Variants in HAUS8 observed in about 807,000 individuals in gnomAD.
The protein encoded by HAUS8 is HAUS augmin like complex subunit 8, also known as HAUS augmin-like complex subunit 8.
A neutral mutation model predicts 42.9 loss-of-function variants in HAUS8; 38 were observed. The observed-to-expected ratio is 0.89, with a 90% CI of 0.68 to 1.16. The LOEUF is 1.16. Among genes scored for constraint, HAUS8 ranks in the 50% most tolerant of loss-of-function variants. The pLI is 0.00. For synonymous variants in HAUS8, 199 were observed against 205.8 expected (o/e 0.97, Z 0.28); for missense variants, 494 against 511.6 (o/e 0.97, Z 0.33).
intron 4 of HAUS8, among the ~76,000 whole-genome samples, 166 bp downstream of exon 4, chr19:17,062,532 C>T (rs1287785790): frequency 2.0e-5 from 3 of 152,188 alleles, no homozygotes; most frequent in Non-Finnish European, 4.4e-5. Flanking sequence ...TCCGCATCCC[C>T]ACTCACCTCC....
Position 17,050,190 on chromosome 19 carries a change from G to T in HAUS8, c.930-14C>A. On this transcript the variant is annotated splice_polypyrimidine_tract_variant and intron_variant, in intron 10 of 10. Coordinates refer to ENST00000253669, the MANE Select transcript of HAUS8 (RefSeq NM_033417.2). ...TGGGCAAAGCTCCTGTTGAGGATGGGAGAAAGAATAACGGCTTTCACCCTC... is the reference window on the plus strand; with the variant it reads ...TGGGCAAAGCTCCTGTTGAGGATGGTAGAAAGAATAACGGCTTTCACCCTC... The T allele has an allele frequency of 2.7e-6, 4 of 1,474,686 alleles. No homozygotes were observed. The highest frequency in any genetic ancestry group is 3.6e-6 in the Non-Finnish European group (4 of 1,111,960). The allele number at this position is 1,474,686 out of a possible 1,614,324, so 91.4% of individuals were successfully genotyped here.
Position 17,050,084 on chromosome 19 carries a change from G to A in HAUS8, c.1022C>T (p.Ala341Val), listed in dbSNP as rs57533879. The change falls in exon 11 of 11, where the codon GCG (alanine) becomes GTG (valine). Residue 341 changes from alanine to valine, a missense_variant. Coordinates refer to ENST00000253669, the MANE Select transcript of HAUS8 (RefSeq NM_033417.2). ...QEVWEETQGM[A>V]PPSRWYFNQD... ...ATTGAAATACCACCGGCTGGGGGGC[G>A]CCATGCCCTGGGTCTCTTCCCAGAC... 2.3e-3 allele frequency: 3,692 copies of A among 1,602,136 alleles called. 79 individuals carry two copies. In the African/African-American group the frequency reaches 0.044, roughly 19 times the overall value.
At chr19:17,075,469 CG>C, upstream of HAUS8, 1 of 1,609,474 alleles carries the variant, frequency 6.2e-7, no homozygotes, top group South Asian at 1.1e-5. Context: ...TTTTCAAAGC[CG>C]GACCCGCCCC....
chr19:17,056,734 C>A (rs2057329218), intron 8 of HAUS8, among the ~76,000 whole-genome samples: 1 of 151,840 alleles, frequency 6.6e-6, no homozygotes, highest in South Asian at 2.1e-4. Flanking sequence ...GGGTTACAGG[C>A]ACGCATCACC....
chr19:17,057,629 C>T (rs1203710665), intron 8 of HAUS8, among the ~76,000 whole-genome samples: 7 of 152,160 alleles, frequency 4.6e-5, no homozygotes, highest in Non-Finnish European at 1.0e-4. Context: ...CCATTTTGAG[C>T]TCCCTAAAGT....
intron 1 of HAUS8, chr19:17,074,648 T>A: frequency 6.6e-6 from 1 of 151,602 alleles, no homozygotes; most frequent in East Asian, 1.9e-4. Flanking sequence ...CTGAGGGGGG[T>A]CCCTACAACC....
chr19:17,051,259 G>A (rs918966711), intron 10 of HAUS8, among the ~76,000 whole-genome samples: 2 of 152,050 alleles, frequency 1.3e-5, no homozygotes, highest in African/African-American at 4.8e-5. Flanking sequence ...GTGGCTGGCT[G>A]TTTTGCATAA....
chr19:17,061,504 T>C (rs2057360735), intron 4 of HAUS8, among the ~76,000 whole-genome samples: 1 of 152,168 alleles, frequency 6.6e-6, no homozygotes, highest in Admixed American at 6.5e-5. Context: ...TGTATAGCAT[T>C]TGCACTAAAA....
At chr19:17,068,099 C>CTTTTTTTTTTTTTTTTT (rs889723027) in intron 3 of HAUS8, among the ~76,000 whole-genome samples, 146 of 93,464 alleles carry the variant, frequency 1.6e-3, no homozygotes, top group Non-Finnish European at 1.9e-3. Flanking sequence ...TTATTTTATT[C>CTTTTTTTTTTTTTTTTT]TTTTTTTTTT....
At position 17,059,998 on chromosome 19, in the gene HAUS8, A is replaced by G. The variant is rs777839845; in HGVS notation, c.324T>C (p.Asn108=). 1 of 1,606,246 alleles carries G rather than the reference A, an allele frequency of 6.2e-7. No homozygotes were observed. Among genetic ancestry groups the G allele is most frequent in the Non-Finnish European group, 8.5e-7 (1 of 1,172,926 alleles). ...APPDLDLSAI[N]DKSIVKKTPQ... ...GAAGGGGTGAAACAAATGATTTACC[A>G]TTAATAGCAGAGAGATCCAGGTCAG... Residue 108 remains asparagine (N), a splice_region_variant and synonymous_variant, in exon 5 of 11, where the codon AAT becomes AAC. Coordinates refer to ENST00000253669, the MANE Select transcript of HAUS8 (RefSeq NM_033417.2).
chr19:17,057,573 C>T (rs2057333914), intron 8 of HAUS8, among the ~76,000 whole-genome samples: 1 of 152,184 alleles, frequency 6.6e-6, no homozygotes, highest in Non-Finnish European at 1.5e-5. Flanking sequence ...CCTCACACTT[C>T]AAATTCGTGT....
At chr19:17,068,961 A>C in intron 3 of HAUS8, 70 bp downstream of exon 3, 1 of 1,375,666 alleles carries the variant, frequency 7.3e-7, no homozygotes, top group Non-Finnish European at 1.0e-6. Flanking sequence ...TCCCATGACT[A>C]GTTTCGGAAT....
In HAUS8 at chr19:17,050,077, G is replaced by C; in HGVS notation, c.1029C>G (p.Pro343=). The C allele has an allele frequency of 3.1e-6, 5 of 1,602,902 alleles. No individual in the cohort carries two copies. The highest frequency in any genetic ancestry group is 3.4e-6 in the Non-Finnish European group (4 of 1,174,730). The change falls in exon 11 of 11, where the codon CCC becomes CCG. Residue 343 remains proline (P), a synonymous_variant. Coordinates refer to ENST00000253669, the MANE Select transcript of HAUS8 (RefSeq NM_033417.2). The part of the protein sequence containing the change: ...VWEETQGMAP[P]SRWYFNQDSA... ...TGTCTTGATTGAAATACCACCGGCTGGGGGGCGCCATGCCCTGGGTCTCTT... is the reference window on the plus strand; with the variant it reads ...TGTCTTGATTGAAATACCACCGGCTCGGGGGCGCCATGCCCTGGGTCTCTT...
chr19:17,059,477 C>A, intron 6 of HAUS8, 80 bp downstream of exon 6: 2 of 970,940 alleles, frequency 2.1e-6, no homozygotes, highest in South Asian at 2.8e-5. Context: ...TCCGTGGGCA[C>A]TCAGCATCTG....
chr19:17,055,114 G>GGAAAAAA (rs1342027832), intron 9 of HAUS8: 1 of 4,722 alleles, frequency 2.1e-4, no homozygotes, highest in African/African-American at 6.9e-4. Context: ...CGTCTCTACA[G>GGAAAAAA]AAAAAAAAAA....
At chr19:17,071,647 G>A (rs745378302) in intron 2 of HAUS8, among the ~76,000 whole-genome samples, 5 of 152,156 alleles carry the variant, frequency 3.3e-5, no homozygotes, top group Non-Finnish European at 5.9e-5. Flanking sequence ...TGCCTTGGAC[G>A]GTGGGGAAAC....
At chr19:17,065,508 A>G (rs933900644) in intron 3 of HAUS8, among the ~76,000 whole-genome samples, 2 of 152,138 alleles carry the variant, frequency 1.3e-5, no homozygotes, top group Admixed American at 6.6e-5. Context: ...CCATGCTTCA[A>G]TCGTGCCTAA....
At chr19:17,055,136 A>T (rs1318796263) in intron 9 of HAUS8, 1 of 32,816 alleles carries the variant, frequency 3.0e-5, no homozygotes, top group Non-Finnish European at 5.2e-5. Flanking sequence ...AAAAAAAAAA[A>T]AAAAAAAATA....
chr19:17,063,141 T>A (rs577949225), intron 3 of HAUS8, among the ~76,000 whole-genome samples: 93 of 152,322 alleles, frequency 6.1e-4, no homozygotes, highest in African/African-American at 2.2e-3. Context: ...TCAAAAAATA[T>A]TTTTTTAAAG....
Sources: gnomAD v4.1 joint callset for allele counts (sites outside exome capture counted in the v4.1 genomes callset) on GRCh38, gnomAD v4.1.1 for gene constraint, MANE v1.5 for transcripts, NCBI Gene and HGNC (gene_info 2026-07-23, HGNC 2026-07-21) for gene names.